GRID1: variants seen among roughly 807,000 people sequenced by gnomAD.
GRID1 encodes the protein glutamate receptor ionotropic, delta-1.
Under a neutral mutation model 98.0 loss-of-function variants are expected in GRID1, and 28 were observed. The ratio of observed to expected loss-of-function variants is 0.29; its 90% CI spans 0.21 to 0.39. The LOEUF is 0.39. Ranked by LOEUF, GRID1 falls within the 10% of genes least tolerant of loss-of-function variation. The pLI, the probability that GRID1 is intolerant of heterozygous loss-of-function variation, is 1.00. For missense variants in GRID1, 1,111 were observed against 1,340.5 expected (o/e 0.83, Z 2.67); for synonymous variants, 553 against 538.5 (o/e 1.03, Z -0.37).
chr10:85,831,160 A>T (rs1204262546), intron 8 of GRID1, among the ~76,000 whole-genome samples: 1 of 152,294 alleles, frequency 6.6e-6, no homozygotes, highest in East Asian at 1.9e-4. Flanking sequence ...CCTTTGCAGA[A>T]AATTAGATGG....
At chr10:86,311,671 T>A (rs896250427) in intron 2 of GRID1, among the ~76,000 whole-genome samples, 2 of 152,156 alleles carry the variant, frequency 1.3e-5, no homozygotes, top group African/African-American at 4.8e-5. Flanking sequence ...CTTCCATCCA[T>A]CCAACCTGAG....
chr10:85,701,303 G>A (rs552294950), intron 12 of GRID1, among the ~76,000 whole-genome samples: 1 of 152,154 alleles, frequency 6.6e-6, no homozygotes, highest in South Asian at 2.1e-4. Context: ...GGTACAGTAT[G>A]CAGAAACCCT....
intron 9 of GRID1, 56 bp downstream of exon 9, chr10:85,729,457 C>T: frequency 1.0e-6 from 1 of 992,280 alleles, no homozygotes; most frequent in Non-Finnish European, 1.6e-6. Context: ...AAAGCAGCCT[C>T]TGATTCAACA....
intron 12 of GRID1, among the ~76,000 whole-genome samples, chr10:85,693,896 AT>A (rs1233629966): frequency 1.3e-5 from 2 of 152,234 alleles, no homozygotes; most frequent in Non-Finnish European, 2.9e-5. Context: ...AAGACCGCAA[AT>A]GCGTAAGCAA....
At chr10:85,637,271 C>A (rs1406270462) in intron 13 of GRID1, among the ~76,000 whole-genome samples, 8 of 152,306 alleles carry the variant, frequency 5.3e-5, no homozygotes, top group Middle Eastern at 3.4e-3. Context: ...TTAAACTTTT[C>A]TTAATGGGAA....
At chr10:85,645,159 T>C (rs930044244) in intron 13 of GRID1, among the ~76,000 whole-genome samples, 7 of 152,220 alleles carry the variant, frequency 4.6e-5, no homozygotes, top group Non-Finnish European at 8.8e-5. Context: ...TATCTTTTTT[T>C]TTTCTAAGCA....
chr10:85,886,413 CAT>C (rs1841118803), intron 5 of GRID1, among the ~76,000 whole-genome samples: 1 of 152,162 alleles, frequency 6.6e-6, no homozygotes, highest in Non-Finnish European at 1.5e-5. Flanking sequence ...AAATTTGACT[CAT>C]ATTTTTCTGT....
chr10:85,706,393 T>A lies in GRID1; in HGVS notation c.1997+16610A>T, dbSNP rs545760015. On this transcript the variant is annotated intron_variant, in intron 12 of 15. Coordinates refer to ENST00000327946, the MANE Select transcript of GRID1 (RefSeq NM_017551.3). ...TCAAAGAGAATAAAATACCTAGGAATCCAACTTACAAGGGATGTGAAGGAC... is the reference window on the plus strand; with the variant it reads ...TCAAAGAGAATAAAATACCTAGGAAACCAACTTACAAGGGATGTGAAGGAC... Among the ~76,000 whole-genome samples the A allele has an allele frequency of 9.8e-4, 149 of 152,214 alleles. 1 individual carries two copies. The highest frequency in any genetic ancestry group is 6.2e-3 in the South Asian group (30 of 4,816).
intron 2 of GRID1, among the ~76,000 whole-genome samples, chr10:86,319,913 C>T (rs1195833698): frequency 6.6e-6 from 1 of 152,202 alleles, no homozygotes; most frequent in African/African-American, 2.4e-5. Flanking sequence ...TCCCTAGCTC[C>T]CTCGGTGACA....
chr10:85,702,840 G>T (rs995178038), intron 12 of GRID1, among the ~76,000 whole-genome samples: 2 of 151,414 alleles, frequency 1.3e-5, no homozygotes, highest in African/African-American at 4.9e-5. Context: ...GAGAAAAACA[G>T]GCATGTGGTA....
chr10:86,299,331 C>CT (rs58039910), intron 2 of GRID1, among the ~76,000 whole-genome samples: 23,336 of 145,098 alleles, frequency 0.16, 4,445 homozygotes, highest in African/African-American at 0.47. Context: ...TTCTCTATTT[C>CT]TTTTTTTTTT....
chr10:86,160,557 C>A (rs1227685225), intron 3 of GRID1, among the ~76,000 whole-genome samples: 4 of 152,200 alleles, frequency 2.6e-5, no homozygotes, highest in African/African-American at 9.6e-5. Context: ...CAGAAGCCAG[C>A]AACCTGCTGG....
rs566878133 is a variant in GRID1, at chr10:86,001,416, G to A, written c.727-85177C>T. 3.9e-5 allele frequency among the ~76,000 whole-genome samples: 6 copies of A among 152,298 alleles called. No individual in the cohort carries two copies. In the South Asian group the frequency reaches 1.2e-3, roughly 32 times the overall value. Reference sequence around the variant, plus strand: ...GAAGATACAGAAGGAAGATTGATAAGACATTGAAAGGGCAGAGGTGGACCT... The same window carrying A: ...GAAGATACAGAAGGAAGATTGATAAAACATTGAAAGGGCAGAGGTGGACCT... On this transcript the variant is annotated intron_variant, in intron 4 of 15. Transcript: ENST00000327946.
chr10:85,742,811 T>A (rs1013716061), intron 8 of GRID1, among the ~76,000 whole-genome samples: 25 of 152,220 alleles, frequency 1.6e-4, no homozygotes, highest in Non-Finnish European at 1.5e-4. Flanking sequence ...TGATGCTGTA[T>A]GTCTTTGGGA....
intron 4 of GRID1, among the ~76,000 whole-genome samples, chr10:86,016,715 T>C (rs1443804495): frequency 6.6e-6 from 1 of 152,198 alleles, no homozygotes; most frequent in African/African-American, 2.4e-5. Flanking sequence ...CTCTAAAAAA[T>C]AGTCTTATAC....
At chr10:85,774,792 G>T (rs866926249) in intron 8 of GRID1, among the ~76,000 whole-genome samples, 1 of 150,056 alleles carries the variant, frequency 6.7e-6, no homozygotes, top group Non-Finnish European at 1.5e-5. Flanking sequence ...TCTCACACCA[G>T]TTAGAATGGC....
intron 3 of GRID1, among the ~76,000 whole-genome samples, chr10:86,183,701 T>C (rs1845689956): frequency 6.6e-6 from 1 of 152,238 alleles, no homozygotes; most frequent in South Asian, 2.1e-4. Flanking sequence ...ACATTTTGGT[T>C]GTTTTCAGTT....
At chr10:86,329,661 A>C (rs531910727) in intron 2 of GRID1, among the ~76,000 whole-genome samples, 2 of 152,266 alleles carry the variant, frequency 1.3e-5, no homozygotes, top group South Asian at 4.2e-4. Context: ...CAACCAGCCA[A>C]CTGGCAGAAC....
chr10:85,917,202 T>TGGGCACTGAGCCA (rs1039378400), intron 4 of GRID1, among the ~76,000 whole-genome samples: 1 of 152,182 alleles, frequency 6.6e-6, no homozygotes, highest in African/African-American at 2.4e-5. Context: ...TTGCTGAGCC[T>TGGGCACTGAGCCA]GGGCACTGAG....
Sources: allele counts gnomAD v4.1 joint callset (sites outside exome capture counted in the v4.1 genomes callset), GRCh38; gene constraint gnomAD v4.1.1; transcripts MANE v1.5; gene names NCBI Gene and HGNC (gene_info 2026-07-23, HGNC 2026-07-21).